Variants in CDH4 observed in about 807,000 individuals in gnomAD.
The protein encoded by CDH4 is cadherin-4.
In CDH4, 33 loss-of-function variants were observed where a neutral mutation model predicts 86.0. The observed-to-expected ratio is 0.38, with a 90% CI of 0.29 to 0.51. CDH4 has a LOEUF of 0.51. CDH4 is among the 20% of genes least tolerant of loss of function. CDH4 has a pLI of 0.86. For missense variants in CDH4, 1,114 were observed against 1,307.4 expected (o/e 0.85, Z 2.28); for synonymous variants, 555 against 549.4 (o/e 1.01, Z -0.14).
intron 3 of CDH4, among the ~76,000 whole-genome samples, chr20:61,762,890 A>T (rs1279843583): frequency 6.6e-6 from 1 of 152,246 alleles, no homozygotes; most frequent in Non-Finnish European, 1.5e-5. Flanking sequence ...GCTGACACAG[A>T]GCACCTTGAC....
chr20:61,539,072 G>A (rs1196874349), intron 2 of CDH4, among the ~76,000 whole-genome samples: 1 of 152,206 alleles, frequency 6.6e-6, no homozygotes, highest in Admixed American at 6.5e-5. Context: ...CAGATCCGCA[G>A]CGGGTCAGGT....
chr20:61,506,395 G>T (rs1019311846), intron 2 of CDH4, among the ~76,000 whole-genome samples: 2 of 152,166 alleles, frequency 1.3e-5, no homozygotes, highest in Non-Finnish European at 2.9e-5. Context: ...TCCTACCATT[G>T]GTGACCTGGT....
intron 2 of CDH4, among the ~76,000 whole-genome samples, chr20:61,554,887 T>C (rs1262636144): frequency 4.6e-5 from 7 of 152,252 alleles, no homozygotes; most frequent in African/African-American, 1.7e-4. Flanking sequence ...TAAGCTCACG[T>C]TTTACATGTA....
At chr20:61,314,015 G>A (rs1241178639) in intron 2 of CDH4, among the ~76,000 whole-genome samples, 4 of 152,218 alleles carry the variant, frequency 2.6e-5, no homozygotes, top group Admixed American at 6.5e-5. Context: ...GATTACAGGC[G>A]TGAGCCACAG....
chr20:61,886,846 C>G (rs1357317043), intron 7 of CDH4, among the ~76,000 whole-genome samples: 20 of 152,188 alleles, frequency 1.3e-4, no homozygotes, highest in African/African-American at 4.8e-4. Flanking sequence ...GTTGGGGCAC[C>G]GGGAGGAGGT....
chr20:61,523,741 G>A (rs532679574), intron 2 of CDH4, among the ~76,000 whole-genome samples: 32 of 152,308 alleles, frequency 2.1e-4, no homozygotes, highest in Admixed American at 9.1e-4. Flanking sequence ...CTGCGTCCCC[G>A]ACCATCAGTG....
chr20:61,508,075 C>T (rs1412343630), intron 2 of CDH4, among the ~76,000 whole-genome samples: 1 of 152,238 alleles, frequency 6.6e-6, no homozygotes, highest in Non-Finnish European at 1.5e-5. Context: ...AAGTTTGCTG[C>T]GTGCATTTTC....
At chr20:61,598,621 G>C (rs936362726) in intron 2 of CDH4, among the ~76,000 whole-genome samples, 3 of 152,156 alleles carry the variant, frequency 2.0e-5, no homozygotes, top group Admixed American at 1.3e-4. Flanking sequence ...TGTGCAGAGG[G>C]AGCCCCCACC....
intron 3 of CDH4, among the ~76,000 whole-genome samples, chr20:61,764,886 T>C (rs1447165972): frequency 1.3e-5 from 2 of 152,220 alleles, no homozygotes. Flanking sequence ...GACCCGTGCC[T>C]GGAGGCTTCT....
chr20:61,599,820 G>C, intron 2 of CDH4: 3 of 985,616 alleles, frequency 3.0e-6, no homozygotes, highest in Non-Finnish European at 3.6e-6. Context: ...CCCCTTTCCT[G>C]TTCCTGGTTG....
chr20:61,453,632 C>T (rs537382043), intron 2 of CDH4, among the ~76,000 whole-genome samples: 38 of 152,328 alleles, frequency 2.5e-4, no homozygotes, highest in Non-Finnish European at 4.3e-4. Flanking sequence ...CACCTGCAGA[C>T]AATCTGCAGG....
chr20:61,756,651 G>C (rs975421003), intron 3 of CDH4, among the ~76,000 whole-genome samples: 1 of 151,668 alleles, frequency 6.6e-6, no homozygotes, highest in Non-Finnish European at 1.5e-5. Context: ...CCCTGAGAGC[G>C]GAGGCCTTGT....
chr20:61,763,500 C>G (rs1251647996), intron 3 of CDH4, among the ~76,000 whole-genome samples: 1 of 152,230 alleles, frequency 6.6e-6, no homozygotes. Flanking sequence ...TCCCAGGGAG[C>G]TCGTCCACCC....
intron 2 of CDH4, among the ~76,000 whole-genome samples, chr20:61,472,837 T>C (rs2085513003): frequency 6.6e-6 from 1 of 152,222 alleles, no homozygotes; most frequent in Non-Finnish European, 1.5e-5. Flanking sequence ...GCCTGCTTTT[T>C]AGTCAAATAT....
At chr20:61,268,152 G>A (rs935274673) in intron 2 of CDH4, among the ~76,000 whole-genome samples, 6 of 152,280 alleles carry the variant, frequency 3.9e-5, no homozygotes, top group African/African-American at 1.2e-4. Context: ...CAGCTGGAGA[G>A]CCAGTGCCTG....
chr20:61,774,464 G>A (rs538109422), intron 4 of CDH4, among the ~76,000 whole-genome samples: 4 of 152,322 alleles, frequency 2.6e-5, no homozygotes, highest in South Asian at 4.1e-4. Context: ...TCTTGCATCC[G>A]GCCATTGCTT....
At chr20:61,626,438 G>A (rs1418740955) in intron 2 of CDH4, among the ~76,000 whole-genome samples, 1 of 151,432 alleles carries the variant, frequency 6.6e-6, no homozygotes, top group Non-Finnish European at 1.5e-5. Flanking sequence ...GTGTGCACGT[G>A]ACTTGCAGAA....
chr20:61,287,528 C>T (rs1259209922), intron 2 of CDH4, among the ~76,000 whole-genome samples: 8 of 152,132 alleles, frequency 5.3e-5, no homozygotes, highest in Non-Finnish European at 1.0e-4. Context: ...GAGCCCTATT[C>T]ATTTTCTACA....
intron 2 of CDH4, among the ~76,000 whole-genome samples, chr20:61,532,735 G>A (rs776917581): frequency 2.0e-5 from 3 of 152,270 alleles, no homozygotes; most frequent in Non-Finnish European, 2.9e-5. Context: ...TTCTCTGGCC[G>A]GGTTCTAGGG....
Sources: gnomAD v4.1 joint callset for allele counts (sites outside exome capture counted in the v4.1 genomes callset) on GRCh38, gnomAD v4.1.1 for gene constraint, MANE v1.5 for transcripts, NCBI Gene and HGNC (gene_info 2026-07-23, HGNC 2026-07-21) for gene names.